Variants in PTPRN2 observed in about 807,000 individuals in gnomAD.
PTPRN2 encodes receptor-type tyrosine-protein phosphatase N2.
A neutral mutation model predicts 118.8 loss-of-function variants in PTPRN2; 74 were observed. The ratio of observed to expected loss-of-function variants is 0.62; its 90% CI spans 0.52 to 0.76. The LOEUF (loss-of-function observed/expected upper bound fraction) is 0.76. Ranked by LOEUF, PTPRN2 falls within the 30% of genes least tolerant of loss-of-function variation. PTPRN2 has a pLI of 0.00. For missense variants in PTPRN2, 1,481 were observed against 1,394.4 expected (o/e 1.06, Z -0.99); for synonymous variants, 641 against 608.0 (o/e 1.05, Z -0.80).
At chr7:158,364,836 A>G (rs991386017) in intron 2 of PTPRN2, among the ~76,000 whole-genome samples, 6 of 152,176 alleles carry the variant, frequency 3.9e-5, no homozygotes, top group Admixed American at 3.9e-4. Context: ...TGTGGCCTGG[A>G]AAGTCATAGG....
chr7:158,242,175 G>A (rs1311216864), intron 3 of PTPRN2, among the ~76,000 whole-genome samples: 1 of 152,128 alleles, frequency 6.6e-6, no homozygotes, highest in African/African-American at 2.4e-5. Context: ...TGAACCTAAA[G>A]TTTCCAGTAC....
At chr7:158,244,836 C>CGTGT (rs10667363) in intron 3 of PTPRN2, among the ~76,000 whole-genome samples, 116,576 of 151,252 alleles carry the variant, frequency 0.77, 45,070 homozygotes, top group East Asian at 0.84. Context: ...GAGTTGTGCA[C>CGTGT]ATGTGAGTGT....
At chr7:158,136,986 C>CA (rs199668193) in intron 7 of PTPRN2, among the ~76,000 whole-genome samples, 76 of 130,204 alleles carry the variant, frequency 5.8e-4, no homozygotes, top group African/African-American at 1.4e-3. Context: ...TAACTCACGG[C>CA]AAAAAAAAAC....
intron 12 of PTPRN2, among the ~76,000 whole-genome samples, chr7:157,727,805 C>T (rs768924388): frequency 3.3e-5 from 5 of 152,228 alleles, no homozygotes; most frequent in Non-Finnish European, 7.3e-5. Context: ...CCCAGACCCC[C>T]GCGACCAGCT....
intron 1 of PTPRN2, among the ~76,000 whole-genome samples, chr7:158,540,899 C>T (rs536294242): frequency 1.3e-5 from 2 of 152,334 alleles, no homozygotes; most frequent in East Asian, 1.9e-4. Flanking sequence ...ACGTGTGCCA[C>T]GTGTCCAGTA....
intron 2 of PTPRN2, among the ~76,000 whole-genome samples, chr7:158,329,839 C>T (rs1319227976): frequency 6.6e-6 from 1 of 152,154 alleles, no homozygotes; most frequent in Non-Finnish European, 1.5e-5. Context: ...TCTACGGAGA[C>T]TCACTTTCAC....
intron 2 of PTPRN2, among the ~76,000 whole-genome samples, chr7:158,428,615 C>T (rs971801967): frequency 3.9e-5 from 6 of 152,176 alleles, no homozygotes; most frequent in African/African-American, 1.2e-4. Context: ...ATTTTAGTAC[C>T]TGCAAGGTAT....
chr7:158,418,560 C>T lies in PTPRN2; in HGVS notation c.163+71175G>A, dbSNP rs567171679. Among the ~76,000 whole-genome samples the T allele has an allele frequency of 7.4e-4, 51 of 68,738 alleles. 3 individuals are homozygous for T. The highest frequency in any genetic ancestry group is 1.3e-3 in the South Asian group (2 of 1,586). The allele number at this position is 68,738 out of a possible 152,430, so 45.1% of individuals were successfully genotyped here. A position where few individuals can be genotyped will look rare whatever the true frequency, so the allele number is the denominator to read the frequency against. On this transcript the variant is annotated intron_variant, in intron 2 of 22. Coordinates refer to ENST00000389418, the MANE Select transcript of PTPRN2 (RefSeq NM_002847.5). ...CGAGATGCTGTAGCTCTCCATGTCC[C>T]GCTGTGTTAAGTCACGGTGTACTAC... is the stretch of plus-strand genomic sequence containing the variant.
chr7:158,394,391 AG>A (rs1236865235), intron 2 of PTPRN2, among the ~76,000 whole-genome samples: 2 of 152,214 alleles, frequency 1.3e-5, no homozygotes, highest in Non-Finnish European at 2.9e-5. Context: ...GAAGTGTGAG[AG>A]GCACAGGTGT....
At chr7:157,895,011 A>G (rs1368646642) in intron 12 of PTPRN2, among the ~76,000 whole-genome samples, 1 of 150,768 alleles carries the variant, frequency 6.6e-6, no homozygotes, top group East Asian at 2.0e-4. Context: ...TAAGCTCACA[A>G]TTCTAAAAAA....
At chr7:158,121,164 G>T (rs144382220) in intron 9 of PTPRN2, among the ~76,000 whole-genome samples, 1 of 152,124 alleles carries the variant, frequency 6.6e-6, no homozygotes, top group South Asian at 2.1e-4. Flanking sequence ...TGCTCCCATC[G>T]CTGACCTGCC....
intron 12 of PTPRN2, among the ~76,000 whole-genome samples, chr7:157,742,103 G>C (rs1638745): frequency 0.76 from 115,806 of 152,152 alleles, 44,655 homozygotes; most frequent in East Asian, 0.92. Flanking sequence ...CGGTGACTGA[G>C]TGTGCTCAAT....
chr7:157,975,244 T>C (rs1413486833), intron 11 of PTPRN2, among the ~76,000 whole-genome samples: 1 of 152,116 alleles, frequency 6.6e-6, no homozygotes, highest in East Asian at 1.9e-4. Flanking sequence ...ACCCCATGAT[T>C]CCAACCACTG....
intron 11 of PTPRN2, among the ~76,000 whole-genome samples, chr7:157,983,640 C>T (rs1206286567): frequency 6.6e-6 from 1 of 152,178 alleles, no homozygotes; most frequent in Admixed American, 6.5e-5. Flanking sequence ...CTCAGGGACG[C>T]TGCCTGCATG....
chr7:157,621,653 G>T, intron 14 of PTPRN2, 144 bp from the exon 15 acceptor site: 1 of 984,796 alleles, frequency 1.0e-6, no homozygotes, highest in Non-Finnish European at 1.5e-6. Flanking sequence ...GCGACGTTGT[G>T]CTACGGTGCA....
chr7:157,820,085 C>A (rs1274791524), intron 12 of PTPRN2, among the ~76,000 whole-genome samples: 3 of 151,112 alleles, frequency 2.0e-5, no homozygotes, highest in Non-Finnish European at 4.4e-5. Flanking sequence ...AATGTATATG[C>A]ACACACACAA....
At chr7:158,047,573 T>C (rs1808977811) in intron 11 of PTPRN2, among the ~76,000 whole-genome samples, 1 of 152,022 alleles carries the variant, frequency 6.6e-6, no homozygotes, top group African/African-American at 2.4e-5. Context: ...GTGTGAGGCC[T>C]GCCTGCAGTC....
intron 12 of PTPRN2, among the ~76,000 whole-genome samples, chr7:157,842,979 C>A (rs969666620): frequency 6.6e-5 from 10 of 152,162 alleles, no homozygotes; most frequent in Admixed American, 3.3e-4. Flanking sequence ...TCCATTGGAC[C>A]CGGCCTCCTC....
At chr7:158,149,771 T>C (rs917548669) in intron 6 of PTPRN2, among the ~76,000 whole-genome samples, 9 of 148,274 alleles carry the variant, frequency 6.1e-5, no homozygotes, top group Non-Finnish European at 1.2e-4. Flanking sequence ...GCCATTGCAC[T>C]CCAGCCTGAG....
Sources: allele counts gnomAD v4.1 joint callset (sites outside exome capture counted in the v4.1 genomes callset), GRCh38; gene constraint gnomAD v4.1.1; transcripts MANE v1.5; gene names NCBI Gene and HGNC (gene_info 2026-07-23, HGNC 2026-07-21).